GRIK1: variants seen among roughly 807,000 people sequenced by gnomAD.
The protein encoded by GRIK1 is glutamate ionotropic receptor kainate type subunit 1, also known as glutamate receptor ionotropic, kainate 1.
A neutral mutation model predicts 105.7 loss-of-function variants in GRIK1; 69 were observed. That is an observed-to-expected ratio of 0.65 (90% CI 0.54 to 0.80). GRIK1 has a LOEUF of 0.80. Among genes scored for constraint, GRIK1 ranks in the 30% least tolerant of loss-of-function variants. The pLI is 0.00. For missense variants in GRIK1, 1,109 were observed against 1,167.3 expected (o/e 0.95, Z 0.73); for synonymous variants, 438 against 431.3 (o/e 1.02, Z -0.19).
chr21:29,709,278 C>CTTTTTTT (rs35378548), intron 1 of GRIK1, among the ~76,000 whole-genome samples: 3 of 127,882 alleles, frequency 2.3e-5, no homozygotes, highest in Non-Finnish European at 5.0e-5. Context: ...TACTCTTCTT[C>CTTTTTTT]TTTTTTTTTT....
chr21:29,753,872 T>A (rs894752077), intron 1 of GRIK1, among the ~76,000 whole-genome samples: 1 of 152,068 alleles, frequency 6.6e-6, no homozygotes, highest in Non-Finnish European at 1.5e-5. Flanking sequence ...AATATATATA[T>A]AATATATAGT....
chr21:29,812,941 C>T (rs140940679), intron 1 of GRIK1, among the ~76,000 whole-genome samples: 22 of 152,110 alleles, frequency 1.4e-4, no homozygotes, highest in African/African-American at 5.1e-4. Flanking sequence ...TTTTTTAATG[C>T]TAAGAGAAAA....
chr21:29,627,348 T>C (rs1359151742), intron 7 of GRIK1, among the ~76,000 whole-genome samples: 2 of 152,186 alleles, frequency 1.3e-5, no homozygotes, highest in Non-Finnish European at 2.9e-5. Context: ...AAAGCAGCAC[T>C]TCCAAAAGTT....
chr21:29,752,673 T>C (rs574334176), intron 1 of GRIK1, among the ~76,000 whole-genome samples: 24 of 151,488 alleles, frequency 1.6e-4, no homozygotes, highest in Non-Finnish European at 3.1e-4. Flanking sequence ...CAAAAAAAAA[T>C]TAAAAAAATA....
intron 1 of GRIK1, among the ~76,000 whole-genome samples, chr21:29,820,940 C>T (rs2067284552): frequency 6.6e-6 from 1 of 151,760 alleles, no homozygotes; most frequent in Admixed American, 6.6e-5. Context: ...ACCATAATTC[C>T]TAAGCCCACA....
intron 1 of GRIK1, among the ~76,000 whole-genome samples, chr21:29,805,019 A>G (rs969442542): frequency 6.6e-6 from 1 of 152,116 alleles, no homozygotes; most frequent in African/African-American, 2.4e-5. Context: ...TGTTTGCCTA[A>G]CCAGCCTCTA....
In GRIK1 at chr21:29,577,136, C is replaced by T. The variant is rs765155699; in HGVS notation, c.1958G>A (p.Gly653Glu). ...GATTAGGGTGAAAAACCACCATATCCCTCCAACTATTCTGGTCGATAGAGC... is the reference window on the plus strand; with the variant it reads ...GATTAGGGTGAAAAACCACCATATCTCTCCAACTATTCTGGTCGATAGAGC... The part of the protein sequence containing the change: ...PKALSTRIVG[G>E]IWWFFTLIII... Residue 653 changes from glycine (G) to glutamate (E), a missense_variant, in exon 14 of 18, where the codon GGG (glycine) becomes GAG (glutamate). Coordinates refer to ENST00000327783, the MANE Select transcript of GRIK1 (RefSeq NM_001330994.2). 1 of 1,612,216 alleles carries T rather than the reference C, an allele frequency of 6.2e-7. No homozygotes were observed. Among genetic ancestry groups the T allele is most frequent in the Non-Finnish European group, 8.5e-7 (1 of 1,178,258 alleles).
chr21:29,695,212 T>C (rs2063672262), intron 1 of GRIK1, among the ~76,000 whole-genome samples: 3 of 152,168 alleles, frequency 2.0e-5, no homozygotes, highest in Admixed American at 1.3e-4. Flanking sequence ...ACAGAAACAA[T>C]GTAAGTGTTG....
At chr21:29,687,271 T>A (rs549107095) in intron 3 of GRIK1, among the ~76,000 whole-genome samples, 1 of 152,294 alleles carries the variant, frequency 6.6e-6, no homozygotes, top group African/African-American at 2.4e-5. Flanking sequence ...CTTTAATGGG[T>A]ACTTAATTCT....
chr21:29,652,883 C>A (rs1195187645), intron 5 of GRIK1, among the ~76,000 whole-genome samples: 2 of 152,158 alleles, frequency 1.3e-5, no homozygotes, highest in East Asian at 3.8e-4. Flanking sequence ...AAGATGCATA[C>A]AAATTTATTC....
chr21:29,609,747 T>C (rs1423379793), intron 7 of GRIK1, among the ~76,000 whole-genome samples: 1 of 152,174 alleles, frequency 6.6e-6, no homozygotes, highest in African/African-American at 2.4e-5. Context: ...ATCTTCGGAC[T>C]CAGACTGAAT....
At chr21:29,583,601 T>C (rs1041809118) in intron 12 of GRIK1, among the ~76,000 whole-genome samples, 1 of 152,192 alleles carries the variant, frequency 6.6e-6, no homozygotes, top group Admixed American at 6.5e-5. Context: ...ACTTTGCACT[T>C]ATAAGAGAGC....
chr21:29,618,416 G>A (rs945102541), intron 7 of GRIK1, among the ~76,000 whole-genome samples: 1 of 152,182 alleles, frequency 6.6e-6, no homozygotes, highest in Admixed American at 6.5e-5. Flanking sequence ...TGGTGGGAAC[G>A]TAAACTAGTA....
intron 1 of GRIK1, among the ~76,000 whole-genome samples, chr21:29,871,767 T>TTC (rs2069021230): frequency 6.8e-6 from 1 of 146,704 alleles, no homozygotes; most frequent in Admixed American, 6.8e-5. Context: ...TTAATTTTTT[T>TTC]TTTTTTTTTT....
chr21:29,582,351 G>T (rs781094753), intron 12 of GRIK1: 1 of 470,320 alleles, frequency 2.1e-6, no homozygotes, highest in South Asian at 1.6e-5. Context: ...ACCCTGGTTC[G>T]GTAAGTGGTA....
chr21:29,658,260 T>A (rs2062893078), intron 4 of GRIK1, among the ~76,000 whole-genome samples: 1 of 152,188 alleles, frequency 6.6e-6, no homozygotes, highest in South Asian at 2.1e-4. Flanking sequence ...CCCATTTCTT[T>A]TTTTTATTTT....
At chr21:29,786,637 C>A (rs2145802876) in intron 1 of GRIK1, among the ~76,000 whole-genome samples, 1 of 152,290 alleles carries the variant, frequency 6.6e-6, no homozygotes, top group South Asian at 2.1e-4. Context: ...TCTGGTATTG[C>A]CACAGTTAAT....
Position 29,740,758 on chromosome 21 carries a change from C to A in GRIK1, c.119-46695G>T, listed in dbSNP as rs944639851. 2.0e-5 allele frequency among the ~76,000 whole-genome samples: 3 copies of A among 152,158 alleles called. 1 individual carries two copies. Among genetic ancestry groups the A allele is most frequent in the Admixed American group, 1.3e-4 (2 of 15,270 alleles). ...AAAATATTTGAAAGTGCTCAACCTGCTAAAAGATTTGTTACATGGGAACCA... is the reference window on the plus strand; with the variant it reads ...AAAATATTTGAAAGTGCTCAACCTGATAAAAGATTTGTTACATGGGAACCA... On this transcript the variant is annotated intron_variant, in intron 1 of 17. Coordinates refer to ENST00000327783, the MANE Select transcript of GRIK1 (RefSeq NM_001330994.2).
intron 4 of GRIK1, among the ~76,000 whole-genome samples, chr21:29,656,805 G>A (rs1046511058): frequency 1.2e-4 from 18 of 152,204 alleles, no homozygotes; most frequent in Non-Finnish European, 2.4e-4. Flanking sequence ...ATGAACACCA[G>A]TCCTACACTT....
Sources: gnomAD v4.1 joint callset for allele counts (sites outside exome capture counted in the v4.1 genomes callset) on GRCh38, gnomAD v4.1.1 for gene constraint, MANE v1.5 for transcripts, NCBI Gene and HGNC (gene_info 2026-07-23, HGNC 2026-07-21) for gene names.